Variants in DDC observed in about 807,000 individuals in gnomAD.
DDC encodes dopa decarboxylase, also known as aromatic-L-amino-acid decarboxylase.
DDC carries 43 observed loss-of-function variants against 60.0 expected under a neutral mutation model. The observed-to-expected ratio is 0.72, with a 90% CI of 0.56 to 0.92. The LOEUF (loss-of-function observed/expected upper bound fraction) is 0.92. Ranked by LOEUF, DDC falls within the 40% of genes least tolerant of loss-of-function variation. The pLI, the probability that DDC is intolerant of heterozygous loss-of-function variation, is 0.00. For missense variants in DDC, 573 were observed against 620.2 expected (o/e 0.92, Z 0.81); for synonymous variants, 232 against 234.6 (o/e 0.99, Z 0.10).
chr7:50,473,098 G>T (rs557744837), intron 11 of DDC, among the ~76,000 whole-genome samples: 1 of 152,350 alleles, frequency 6.6e-6, no homozygotes, highest in Non-Finnish European at 1.5e-5. Flanking sequence ...CACAGAGAGG[G>T]AAAGAGGTCA....
chr7:50,499,308 C>A (rs2043197202), intron 7 of DDC, 66 bp from the exon 8 acceptor site: 2 of 1,101,126 alleles, frequency 1.8e-6, no homozygotes, highest in East Asian at 4.9e-5. Context: ...GCCAGCTGAC[C>A]TCGCCCTGTC....
At chr7:50,552,371 C>T (rs182428625) in intron 1 of DDC, among the ~76,000 whole-genome samples, 6 of 152,322 alleles carry the variant, frequency 3.9e-5, no homozygotes, top group African/African-American at 1.2e-4. Context: ...ACACTATTCT[C>T]CACACTATTC....
At chr7:50,508,787 G>A (rs1394317409) in intron 6 of DDC, among the ~76,000 whole-genome samples, 1 of 152,154 alleles carries the variant, frequency 6.6e-6, no homozygotes, top group Non-Finnish European at 1.5e-5. Flanking sequence ...AGTGAGACAA[G>A]GCTCAGGCTC....
chr7:50,549,647 ACT>A (rs923797328), intron 1 of DDC, among the ~76,000 whole-genome samples: 2 of 144,582 alleles, frequency 1.4e-5, no homozygotes, highest in African/African-American at 5.2e-5. Flanking sequence ...ACAGAGCAAG[ACT>A]CTGTCTCAAA....
chr7:50,495,254 G>T, intron 9 of DDC, 96 bp downstream of exon 9: 1 of 862,134 alleles, frequency 1.2e-6, no homozygotes, highest in South Asian at 1.4e-5. Flanking sequence ...TGAGCTAAGT[G>T]ACTATTGCAC....
chr7:50,529,734 G>A (rs987035612), intron 4 of DDC, among the ~76,000 whole-genome samples: 7 of 152,254 alleles, frequency 4.6e-5, no homozygotes, highest in East Asian at 1.9e-4. Flanking sequence ...ATATTCACTC[G>A]GACAGAGCGA....
At chr7:50,463,505 A>C in intron 13 of DDC, 74 bp from the exon 14 acceptor site, 1 of 1,316,786 alleles carries the variant, frequency 7.6e-7, no homozygotes, top group Non-Finnish European at 1.1e-6. Context: ...TGTAGGAAAG[A>C]CAGTGCTTGG....
At chr7:50,548,117 T>C (rs1358502249) in intron 1 of DDC, among the ~76,000 whole-genome samples, 3 of 152,222 alleles carry the variant, frequency 2.0e-5, no homozygotes. Flanking sequence ...CTTAATAAAT[T>C]TGTGTCTGAC....
chr7:50,545,990 G>A (rs2044795634), intron 1 of DDC, among the ~76,000 whole-genome samples: 1 of 152,186 alleles, frequency 6.6e-6, no homozygotes, highest in African/African-American at 2.4e-5. Context: ...TGGAAGCTCA[G>A]AGAGGCAATG....
chr7:50,563,385 G>A (rs375212077), intron 1 of DDC, among the ~76,000 whole-genome samples: 23 of 152,152 alleles, frequency 1.5e-4, no homozygotes, highest in African/African-American at 5.3e-4. Context: ...GTCCAATAAA[G>A]CAAGATGATT....
chr7:50,476,646 G>T lies in DDC; in HGVS notation c.1022-3C>A, dbSNP rs766917388. On this transcript the variant is annotated splice_region_variant and splice_polypyrimidine_tract_variant and intron_variant, in intron 10 of 14. Transcript: ENST00000444124. Reference sequence around the variant, plus strand: ...TACCCGGTAGTCAGTGATAAGCCCTGGAGAAAAGAGAAAGAAAAAGAAAAA... The same window carrying T: ...TACCCGGTAGTCAGTGATAAGCCCTTGAGAAAAGAGAAAGAAAAAGAAAAA... 8.1e-6 allele frequency: 13 copies of T among 1,611,130 alleles called. No individual in the cohort carries two copies. Among genetic ancestry groups the T allele is most frequent in the Non-Finnish European group, 9.3e-6 (11 of 1,178,126 alleles).
intron 11 of DDC, among the ~76,000 whole-genome samples, chr7:50,474,442 G>C (rs2042597168): frequency 6.6e-6 from 1 of 152,204 alleles, no homozygotes; most frequent in Non-Finnish European, 1.5e-5. Context: ...AGTGAGCCCT[G>C]AGGACTGGAA....
At chr7:50,490,321 T>C (rs572915715) in intron 9 of DDC, among the ~76,000 whole-genome samples, 1 of 152,122 alleles carries the variant, frequency 6.6e-6, no homozygotes. Context: ...TTCAACCAAT[T>C]CATACAGGTA....
At chr7:50,495,068 T>C (rs999678145) in intron 9 of DDC, among the ~76,000 whole-genome samples, 2 of 152,198 alleles carry the variant, frequency 1.3e-5, no homozygotes, top group Non-Finnish European at 2.9e-5. Flanking sequence ...GAATTAGAAG[T>C]GTGTACTTGC....
intron 9 of DDC, among the ~76,000 whole-genome samples, chr7:50,490,646 G>A (rs2042979782): frequency 6.6e-6 from 1 of 152,294 alleles, no homozygotes; most frequent in South Asian, 2.1e-4. Context: ...CCGAGATCAT[G>A]CCACTGCACT....
At chr7:50,539,783 C>A (rs1392399295) in intron 3 of DDC, 132 bp downstream of exon 3, 5 of 708,894 alleles carry the variant, frequency 7.1e-6, no homozygotes, top group African/African-American at 1.8e-5. Flanking sequence ...TTTCTCCTCC[C>A]TGCAACAGTA....
chr7:50,478,442 C>T (rs2042696736), intron 10 of DDC, among the ~76,000 whole-genome samples: 1 of 152,170 alleles, frequency 6.6e-6, no homozygotes, highest in Non-Finnish European at 1.5e-5. Flanking sequence ...CTGGTGGCTG[C>T]CATATTGGGT....
chr7:50,468,170 A>C (rs1439355500), intron 12 of DDC, among the ~76,000 whole-genome samples: 1 of 152,316 alleles, frequency 6.6e-6, no homozygotes, highest in Non-Finnish European at 1.5e-5. Flanking sequence ...GGACAAAAAC[A>C]CGTGTCATAC....
At chr7:50,480,588 C>A (rs2042746106) in intron 9 of DDC, among the ~76,000 whole-genome samples, 1 of 152,128 alleles carries the variant, frequency 6.6e-6, no homozygotes, top group African/African-American at 2.4e-5. Context: ...TGGGACTGAG[C>A]CCTTAACCCT....
Sources: allele counts gnomAD v4.1 joint callset (sites outside exome capture counted in the v4.1 genomes callset), GRCh38; gene constraint gnomAD v4.1.1; transcripts MANE v1.5; gene names NCBI Gene and HGNC (gene_info 2026-07-23, HGNC 2026-07-21).